DLG2: variants seen among roughly 807,000 people sequenced by gnomAD.
The protein encoded by DLG2 is disks large homolog 2.
In DLG2, 45 loss-of-function variants were observed where a neutral mutation model predicts 132.5. That is an observed-to-expected ratio of 0.34 (90% CI 0.27 to 0.44). The LOEUF (loss-of-function observed/expected upper bound fraction) is 0.44. Ranked by LOEUF, DLG2 falls within the 20% of genes least tolerant of loss-of-function variation. The pLI, the probability that DLG2 is intolerant of heterozygous loss-of-function variation, is 1.00. For synonymous variants in DLG2, 424 were observed against 419.6 expected, an observed-to-expected ratio of 1.01 and a Z score of -0.13; for missense variants, 1,045 against 1,196.9, an observed-to-expected ratio of 0.87 and a Z score of 1.87.
At chr11:84,546,744 CA>C (rs2099390734) in intron 6 of DLG2, 1 of 413,994 alleles carries the variant, frequency 2.4e-6, no homozygotes, top group Admixed American at 2.8e-5. Context: ...CAATTGCTCA[CA>C]ATGGCTCTTC....
intron 3 of DLG2, among the ~76,000 whole-genome samples, chr11:85,568,997 G>A (rs2077693790): frequency 6.6e-6 from 1 of 151,906 alleles, no homozygotes. Context: ...GGAAGATTGG[G>A]TCATTTATTT....
At chr11:85,439,655 G>A (rs747660411) in intron 3 of DLG2, among the ~76,000 whole-genome samples, 2 of 152,160 alleles carry the variant, frequency 1.3e-5, no homozygotes, top group Non-Finnish European at 2.9e-5. Flanking sequence ...CACCGCGCCC[G>A]GCCTGTTTCC....
chr11:84,056,575 C>T (rs2096504233), intron 11 of DLG2, among the ~76,000 whole-genome samples: 1 of 152,106 alleles, frequency 6.6e-6, no homozygotes, highest in Non-Finnish European at 1.5e-5. Context: ...AGAGTTTCCA[C>T]TGTATGAGTT....
chr11:85,198,944 T>G (rs1330293021), intron 4 of DLG2, among the ~76,000 whole-genome samples: 1 of 152,184 alleles, frequency 6.6e-6, no homozygotes, highest in Non-Finnish European at 1.5e-5. Flanking sequence ...ATTCACCCAG[T>G]TATCTTCAAG....
chr11:85,518,093 T>C (rs1565623243), intron 3 of DLG2, among the ~76,000 whole-genome samples: 1 of 152,202 alleles, frequency 6.6e-6, no homozygotes, highest in South Asian at 2.1e-4. Context: ...GGTATGTCTT[T>C]ATCAGCAGCA....
rs1412983692 is a variant in DLG2, at chr11:83,942,990, T to A, written c.1341-12507A>T. 2.0e-5 allele frequency among the ~76,000 whole-genome samples: 3 copies of A among 152,186 alleles called. No individual in the cohort carries two copies. In the East Asian group the frequency reaches 5.8e-4, roughly 29 times the overall value. ...GGTCTTTCCTATGCTGTTCTCATGA[T>A]GGTGAATAAGTCTCATGAGATCTGA... On this transcript the variant is annotated intron_variant, in intron 14 of 27. Coordinates refer to ENST00000376104, the MANE Select transcript of DLG2 (RefSeq NM_001142699.3).
At chr11:85,016,008 A>G (rs764897407) in intron 6 of DLG2, among the ~76,000 whole-genome samples, 1 of 152,182 alleles carries the variant, frequency 6.6e-6, no homozygotes, top group Non-Finnish European at 1.5e-5. Flanking sequence ...TAGTTTTATT[A>G]CAAATGAAGT....
At chr11:85,486,887 G>A (rs1228228236) in intron 3 of DLG2, among the ~76,000 whole-genome samples, 3 of 150,736 alleles carry the variant, frequency 2.0e-5, no homozygotes, top group Admixed American at 1.3e-4. Flanking sequence ...TCTGCTCTGG[G>A]GCCTTAAAAG....
At chr11:83,499,633 A>G (rs927081995) in intron 21 of DLG2, among the ~76,000 whole-genome samples, 4 of 150,272 alleles carry the variant, frequency 2.7e-5, no homozygotes, top group Non-Finnish European at 3.0e-5. Flanking sequence ...TTGCCTCCTT[A>G]TAAGGTAAGT....
At position 84,214,765 on chromosome 11, in the gene DLG2, A is replaced by C. The variant is rs570939507; in HGVS notation, c.573+36473T>G. Among the ~76,000 whole-genome samples the C allele has an allele frequency of 1.7e-3, 266 of 152,232 alleles. 1 individual carries two copies. The highest frequency in any genetic ancestry group is 6.1e-3 in the African/African-American group (254 of 41,546). On this transcript the variant is annotated intron_variant, in intron 8 of 27. Coordinates refer to ENST00000376104, the MANE Select transcript of DLG2 (RefSeq NM_001142699.3). ...TAAGCAGATTAACCAACTGTCTGGA[A>C]TTTTTCAAGCAAAAAGAGATAAAAT...
At chr11:84,778,134 G>A (rs1018689902) in intron 6 of DLG2, among the ~76,000 whole-genome samples, 10 of 151,980 alleles carry the variant, frequency 6.6e-5, no homozygotes, top group African/African-American at 1.5e-4. Context: ...TTTGGTATAC[G>A]GCCAGAGATA....
intron 4 of DLG2, among the ~76,000 whole-genome samples, chr11:85,278,272 C>G (rs185415836): frequency 6.6e-6 from 1 of 152,122 alleles, no homozygotes; most frequent in Admixed American, 6.5e-5. Context: ...ACCTACCTAC[C>G]GCTTCAAATC....
chr11:85,020,813 C>A, intron 6 of DLG2: 1 of 733,858 alleles, frequency 1.4e-6, no homozygotes, highest in Non-Finnish European at 2.5e-6. Context: ...TCTTTTTCAT[C>A]ATCCTTGATC....
At chr11:85,527,886 A>T (rs2074900456) in intron 3 of DLG2, among the ~76,000 whole-genome samples, 1 of 152,188 alleles carries the variant, frequency 6.6e-6, no homozygotes, top group Non-Finnish European at 1.5e-5. Flanking sequence ...AATGGTCACC[A>T]TTCTAACTGG....
chr11:83,961,405 A>G (rs2088732828), intron 14 of DLG2, among the ~76,000 whole-genome samples: 1 of 152,016 alleles, frequency 6.6e-6, no homozygotes, highest in Non-Finnish European at 1.5e-5. Context: ...ATATTAGAAA[A>G]TTAAAACGTT....
chr11:85,497,734 G>A lies in DLG2; in HGVS notation c.40+100923C>T, dbSNP rs563439974. Among the ~76,000 whole-genome samples the A allele has an allele frequency of 3.9e-5, 6 of 152,272 alleles. No homozygotes were observed. In the South Asian group the frequency reaches 1.2e-3, roughly 32 times the overall value. ...CATCAGACTAAAAGCTGATCTCTCGGCAGAAACCCTACAAGCCAAAAGAGA... is the reference window on the plus strand; with the variant it reads ...CATCAGACTAAAAGCTGATCTCTCGACAGAAACCCTACAAGCCAAAAGAGA... On this transcript the variant is annotated intron_variant, in intron 3 of 27. Coordinates refer to ENST00000376104, the MANE Select transcript of DLG2 (RefSeq NM_001142699.3).
rs191686107 is a variant in DLG2 at position 83,552,415 on chromosome 11, G to T, written c.1941-10557C>A. Among the ~76,000 whole-genome samples, 182 of 152,278 alleles carry T rather than the reference G, an allele frequency of 1.2e-3. 1 individual carries two copies. Among genetic ancestry groups the T allele is most frequent in the Non-Finnish European group, 1.7e-3 (117 of 68,020 alleles). Reference sequence around the variant, plus strand: ...TGCAAAGCCTGTAAATACAGTTACAGTTGAGTCTCATATGTGCTATGTTAG... The same window carrying T: ...TGCAAAGCCTGTAAATACAGTTACATTTGAGTCTCATATGTGCTATGTTAG... On this transcript the variant is annotated intron_variant, in intron 19 of 27. Transcript: ENST00000376104.
chr11:84,502,186 T>TTCTC (rs1555630792), intron 7 of DLG2, among the ~76,000 whole-genome samples: 234 of 12,876 alleles, frequency 0.018, 64 homozygotes, highest in Middle Eastern at 0.077. Context: ...TTCTCTCTCT[T>TTCTC]TCTCTCTCTC....
At chr11:84,799,425 T>C (rs2075093987) in intron 6 of DLG2, among the ~76,000 whole-genome samples, 1 of 152,194 alleles carries the variant, frequency 6.6e-6, no homozygotes, top group Non-Finnish European at 1.5e-5. Flanking sequence ...AAGAGGGGTG[T>C]CTTTCCCAGC....
Sources: gnomAD v4.1 joint callset for allele counts (sites outside exome capture counted in the v4.1 genomes callset) on GRCh38, gnomAD v4.1.1 for gene constraint, MANE v1.5 for transcripts, NCBI Gene and HGNC (gene_info 2026-07-23, HGNC 2026-07-21) for gene names.